The following EOMES variants were observed in gnomAD, a reference collection of about 807,000 sequenced individuals.
EOMES encodes the protein eomesodermin, also known as eomesodermin homolog.
Under a neutral mutation model 61.0 loss-of-function variants are expected in EOMES, and 18 were observed. The observed-to-expected ratio is 0.30, with a 90% CI of 0.20 to 0.44. The LOEUF (loss-of-function observed/expected upper bound fraction) is 0.44, where lower values mean the gene tolerates loss of function less well. Ranked by LOEUF, EOMES falls within the 20% of genes least tolerant of loss-of-function variation. The probability of loss-of-function intolerance (pLI) is 1.00; values close to 1 mark genes in which losing one functional copy is unlikely to be tolerated. For synonymous variants in EOMES, 430 were observed against 394.0 expected (o/e 1.09, Z -1.08); for missense variants, 885 against 939.2 (o/e 0.94, Z 0.75).
At position 27,721,898 on chromosome 3, in the gene EOMES, G is replaced by C. The variant is rs1443015218; in HGVS notation, c.397C>G (p.Arg133Gly). Reference sequence around the variant, plus strand: ...GAGCTCAGGCTGTCCATGGAGTAGCGCGCAGTGGCCGCAGCCGCGGCGGCG... The same window carrying C: ...GAGCTCAGGCTGTCCATGGAGTAGCCCGCAGTGGCCGCAGCCGCGGCGGCG... The part of the protein sequence containing the change: ...AAAAAAAATA[R>G]YSMDSLSSER... Residue 133 changes from arginine to glycine, a missense_variant, in exon 1 of 6, where the codon CGC becomes GGC. Around this residue, in one of 3 missense-constraint regions of EOMES, gnomAD observed 449 missense variants for 383.6 expected, o/e 1.17. Transcript: ENST00000449599. The surrounding 1 kb of genome is among the most constrained non-coding windows in gnomAD (Gnocchi z 7.4). The C allele has an allele frequency of 7.0e-7, 1 of 1,429,154 alleles. No homozygotes were observed. The highest frequency in any genetic ancestry group is 9.1e-7 in the Non-Finnish European group (1 of 1,099,582). The allele number at this position is 1,429,154 out of a possible 1,614,324, so 88.5% of individuals were successfully genotyped here. A position where few individuals can be genotyped will look rare whatever the true frequency, so the allele number is the denominator to read the frequency against.
intron 1 of EOMES, 103 bp from the exon 2 acceptor site, chr3:27,720,428 C>A: frequency 1.1e-6 from 1 of 878,770 alleles, no homozygotes; most frequent in Non-Finnish European, 1.9e-6. Context: ...AGGGTCGGAA[C>A]ACATTTAAAA....
At position 27,722,315 on chromosome 3, in the gene EOMES, C is replaced by T. The variant is rs769582990; in HGVS notation, c.-21G>A. On this transcript the variant is annotated 5_prime_UTR_variant, in exon 1 of 6. Coordinates refer to ENST00000449599, the MANE Select transcript of EOMES (RefSeq NM_001278182.2). ...TGCATGCTTTGCAAAGCGCAGACGG[C>T]AGCTGGCTGCTTCCTCTCCTCCGGT... The T allele has an allele frequency of 2.6e-5, 40 of 1,519,992 alleles. No homozygotes were observed. Among genetic ancestry groups the T allele is most frequent in the Non-Finnish European group, 3.2e-5 (37 of 1,141,140 alleles). The allele number at this position is 1,519,992 out of a possible 1,614,324, so 94.2% of individuals were successfully genotyped here.
intron 3 of EOMES, 48 bp downstream of exon 3, chr3:27,719,312 C>G (rs769428330): frequency 3.8e-6 from 6 of 1,592,002 alleles, no homozygotes; most frequent in Admixed American, 1.7e-5. Context: ...TAGAAAAAAG[C>G]CTTATAGTCA....
rs748237540 is a variant in EOMES, at chr3:27,717,476, G to T, written c.1712C>A (p.Ser571Tyr). ...SSTLLPYGIK[S>Y]LPLQTSHALG... is the part of the protein sequence containing the mutation. ...GGCATGGGATGTCTGAAGGGGCAAG[G>T]ATTTAATGCCATATGGGAGCAATGT... is the stretch of plus-strand genomic sequence containing the variant. Residue 571 changes from serine (S) to tyrosine (Y), a missense_variant, in exon 6 of 6, where the codon TCC becomes TAC. Ser to Tyr is a moderately radical substitution (Grantham distance 144). Transcript: ENST00000449599. The surrounding 1 kb of genome is among the most constrained non-coding windows in gnomAD (Gnocchi z 4.5). 2.5e-6 allele frequency: 4 copies of T among 1,614,166 alleles called. No homozygotes were observed. The highest frequency in any genetic ancestry group is 3.4e-6 in the Non-Finnish European group (4 of 1,179,996).
chr3:27,721,586 C>T lies in EOMES; in HGVS notation c.709G>A (p.Ala237Thr), dbSNP rs1458635817. 8 of 1,575,736 alleles carry T rather than the reference C, an allele frequency of 5.1e-6. No homozygotes were observed. In the African/African-American group the frequency reaches 9.4e-5, roughly 19 times the overall value. Reference protein sequence around the residue: ...GPGTYQYSQGAPLYGPYPGAA... With the variant: ...GPGTYQYSQGTPLYGPYPGAA... ...CCAGGGTACGGCCCGTAGAGCGGAG[C>T]CCCCTGGCTGTACTGATAGGTGCCC... is the stretch of plus-strand genomic sequence containing the variant. Residue 237 changes from alanine (A) to threonine (T), a missense_variant, in exon 1 of 6, where the codon GCT (alanine) becomes ACT (threonine). This residue lies in a region of EOMES where 449 missense variants were observed against 383.6 expected (regional missense o/e 1.17). Coordinates refer to ENST00000449599, the MANE Select transcript of EOMES (RefSeq NM_001278182.2). This position sits in a 1 kb window ranked among gnomAD's most constrained non-coding sequence, Gnocchi z 7.4.
chr3:27,721,603 T>C lies in EOMES; in HGVS notation c.692A>G (p.Tyr231Cys), dbSNP rs376621022. Reference sequence around the variant, plus strand: ...GAGCGGAGCCCCCTGGCTGTACTGATAGGTGCCCGGGCCGCCGCCCCCGCC... The same window carrying C: ...GAGCGGAGCCCCCTGGCTGTACTGACAGGTGCCCGGGCCGCCGCCCCCGCC... ...SSGGGGGPGT[Y>C]QYSQGAPLYG... The change falls in exon 1 of 6, where the codon TAT (tyrosine) becomes TGT (cysteine). Residue 231 changes from tyrosine (Y) to cysteine (C), a missense_variant. By Grantham distance (194) the Tyr-to-Cys change is radical (BLOSUM62 -2). This residue lies in a region of EOMES where 449 missense variants were observed against 383.6 expected (regional missense o/e 1.17). Transcript: ENST00000449599. The surrounding 1 kb of genome is among the most constrained non-coding windows in gnomAD (Gnocchi z 7.4). 1.1e-4 allele frequency: 176 copies of C among 1,553,366 alleles called. No homozygotes were observed. The African/African-American group carries it at 1.8e-3, about 16-fold the overall frequency.
chr3:27,721,751 C>A lies in EOMES; in HGVS notation c.544G>T (p.Gly182Trp), dbSNP rs1313397298. ...PHGPVYPAPNGARYPYGSMLP... is the reference protein window; with the variant it reads ...PHGPVYPAPNWARYPYGSMLP... ...ATGGAGCCGTAGGGGTAGCGCGCCC[C>A]GTTAGGAGCCGGGTACACAGGTCCG... is the stretch of plus-strand genomic sequence containing the variant. The change falls in exon 1 of 6, where the codon GGG becomes TGG. Residue 182 changes from glycine (G) to tryptophan (W), a missense_variant. By Grantham distance (184) the Gly-to-Trp change is radical. Around this residue, in one of 3 missense-constraint regions of EOMES, gnomAD observed 449 missense variants for 383.6 expected, o/e 1.17. Coordinates refer to ENST00000449599, the MANE Select transcript of EOMES (RefSeq NM_001278182.2). This position sits in a 1 kb window ranked among gnomAD's most constrained non-coding sequence, Gnocchi z 7.4. 2.0e-6 allele frequency: 3 copies of A among 1,488,486 alleles called. No individual in the cohort carries two copies. The highest frequency in any genetic ancestry group is 1.8e-6 in the Non-Finnish European group (2 of 1,130,892). 92.2% of individuals were successfully genotyped at this position (1,488,486 alleles called of 1,614,324 possible).
chr3:27,722,144 C>G lies in EOMES; in HGVS notation c.151G>C (p.Ala51Pro). 1 of 1,566,194 alleles carries G rather than the reference C, an allele frequency of 6.4e-7. No individual in the cohort carries two copies. The highest frequency in any genetic ancestry group is 8.7e-7 in the Non-Finnish European group (1 of 1,156,004). Residue 51 changes from alanine (A) to proline (P), a missense_variant, in exon 1 of 6, where the codon GCG (alanine) becomes CCG (proline). Physicochemically the swap from Ala to Pro is conservative, Grantham distance 27. Coordinates refer to ENST00000449599, the MANE Select transcript of EOMES (RefSeq NM_001278182.2). Reference protein sequence around the residue: ...PSPQKLDLDKASKKFSGSLSC... With the variant: ...PSPQKLDLDKPSKKFSGSLSC... ...AGACTGCCGGAAAACTTCTTGGACGCTTTGTCTAAGTCCAACTTCTGAGGA... is the reference window on the plus strand; with the variant it reads ...AGACTGCCGGAAAACTTCTTGGACGGTTTGTCTAAGTCCAACTTCTGAGGA...
upstream of EOMES, chr3:27,722,638 C>T (rs1022258692): frequency 1.5e-5 from 16 of 1,081,496 alleles, no homozygotes; most frequent in Admixed American, 3.7e-4. Context: ...ATCTTTGTCC[C>T]CATCCACCCA....
At chr3:27,720,007 C>A (rs2060598804) in intron 2 of EOMES, among the ~76,000 whole-genome samples, 164 bp downstream of exon 2, 2 of 152,082 alleles carry the variant, frequency 1.3e-5, no homozygotes, top group Admixed American at 6.6e-5. Flanking sequence ...GCAAACTCTC[C>A]TCTCCGTCAA....
Position 27,721,461 on chromosome 3 carries a change from G to C in EOMES, c.834C>G (p.Leu278=). The stretch of plus-strand genomic sequence containing the variant: ...TCTCAGTTTGGTGGCGGTGGAATTT[G>C]AGCCACAGAGGCCGGTTGCACAGGT... ...HVYLCNRPLW[L]KFHRHQTEMI... is the part of the protein sequence containing the mutation. The change falls in exon 1 of 6, where the codon CTC becomes CTG. Residue 278 remains leucine (L), a synonymous_variant. Coordinates refer to ENST00000449599, the MANE Select transcript of EOMES (RefSeq NM_001278182.2). This position sits in a 1 kb window ranked among gnomAD's most constrained non-coding sequence, Gnocchi z 7.4. The C allele has an allele frequency of 6.2e-7, 1 of 1,613,624 alleles. No individual in the cohort carries two copies. Among genetic ancestry groups the C allele is most frequent in the Non-Finnish European group, 8.5e-7 (1 of 1,179,904 alleles).
rs1486119664 is a variant in EOMES at position 27,721,967 on chromosome 3, C to T, written c.328G>A (p.Gly110Arg). The stretch of plus-strand genomic sequence containing the variant: ...GCGGCGGAGGGCAGCTCCTCCTCCC[C>T]GCAGGGGGAGCCCTTGCGGCCGTCC... ...PPDGRKGSPC[G>R]EEELPSAAAA... Residue 110 changes from glycine to arginine, a missense_variant, in exon 1 of 6, where the codon GGG (glycine) becomes AGG (arginine). Around this residue, in one of 3 missense-constraint regions of EOMES, gnomAD observed 449 missense variants for 383.6 expected, o/e 1.17. Transcript: ENST00000449599. The surrounding 1 kb of genome is among the most constrained non-coding windows in gnomAD (Gnocchi z 7.4). The T allele has an allele frequency of 1.4e-6, 2 of 1,437,370 alleles. No homozygotes were observed. The highest frequency in any genetic ancestry group is 3.0e-5 in the East Asian group (1 of 32,920). The allele number at this position is 1,437,370 out of a possible 1,614,324, so 89.0% of individuals were successfully genotyped here. A position where few individuals can be genotyped will look rare whatever the true frequency, so the allele number is the denominator to read the frequency against.
chr3:27,722,478 A>G (rs1402844795), upstream of EOMES: 7 of 1,351,054 alleles, frequency 5.2e-6, no homozygotes, highest in Non-Finnish European at 6.6e-6. Flanking sequence ...CCCTGAATCC[A>G]GCGTCCTTTC....
At position 27,717,347 on chromosome 3, in the gene EOMES, G is replaced by C. The variant is rs780523872; in HGVS notation, c.1841C>G (p.Thr614Arg). 1.2e-6 allele frequency: 2 copies of C among 1,614,106 alleles called. No individual in the cohort carries two copies. The highest frequency in any genetic ancestry group is 1.3e-5 in the African/African-American group (1 of 74,938). The change falls in exon 6 of 6, where the codon ACA (threonine) becomes AGA (arginine). Residue 614 changes from threonine to arginine, a missense_variant. This residue lies in a region of EOMES where 259 missense variants were observed against 282.3 expected (regional missense o/e 0.92). Transcript: ENST00000449599. This position sits in a 1 kb window ranked among gnomAD's most constrained non-coding sequence, Gnocchi z 4.5. ...MAAGLPWTSR[T>R]SPTVFSEDQL... Reference sequence around the variant, plus strand: ...ATCTTCAGAGAACACAGTGGGGCTTGTTCTGGAGGTCCATGGTAGTCCAGC... The same window carrying C: ...ATCTTCAGAGAACACAGTGGGGCTTCTTCTGGAGGTCCATGGTAGTCCAGC...
At chr3:27,718,084 G>A (rs371302565) in intron 5 of EOMES, among the ~76,000 whole-genome samples, 4 of 152,070 alleles carry the variant, frequency 2.6e-5, no homozygotes, top group East Asian at 1.9e-4. Flanking sequence ...CCTAGAACAC[G>A]AAAAACTCAG....
Position 27,721,922 on chromosome 3 carries a change from C to G in EOMES, c.373G>C (p.Ala125Pro), listed in dbSNP as rs1035312799. ...PSAAAAAAAAAAAAAATARYS... is the reference protein window; with the variant it reads ...PSAAAAAAAAPAAAAATARYS... The stretch of plus-strand genomic sequence containing the variant: ...CGCGCAGTGGCCGCAGCCGCGGCGG[C>G]GGCGGCGGCGGCGGCTGCAGCGGCG... The change falls in exon 1 of 6, where the codon GCC (alanine) becomes CCC (proline). Residue 125 changes from alanine to proline, a missense_variant. Ala to Pro is a conservative substitution (Grantham distance 27). This residue lies in a region of EOMES where 449 missense variants were observed against 383.6 expected (regional missense o/e 1.17). Transcript: ENST00000449599. This position sits in a 1 kb window ranked among gnomAD's most constrained non-coding sequence, Gnocchi z 7.4. The G allele has an allele frequency of 4.4e-6, 6 of 1,357,588 alleles. No homozygotes were observed. In the African/African-American group the frequency reaches 9.8e-5, roughly 22 times the overall value. The allele number at this position is 1,357,588 out of a possible 1,614,324, so 84.1% of individuals were successfully genotyped here.
intron 3 of EOMES, 96 bp from the exon 4 acceptor site, chr3:27,718,989 C>A: frequency 1.2e-6 from 1 of 866,782 alleles, no homozygotes; most frequent in South Asian, 1.8e-5. Context: ...TGGTATTGGA[C>A]TTCTAAATGC....
rs1003946566 is a variant in EOMES at position 27,718,278 on chromosome 3, G to A, written c.1379+309C>T. Among the ~76,000 whole-genome samples the A allele has an allele frequency of 2.6e-5, 4 of 151,664 alleles. No homozygotes were observed. The East Asian group carries it at 7.7e-4, about 29-fold the overall frequency. On this transcript the variant is annotated intron_variant, in intron 5 of 5. Coordinates refer to ENST00000449599, the MANE Select transcript of EOMES (RefSeq NM_001278182.2). ...AGAGTAATAATATCTGCTCTTGGGA[G>A]GATAAAAAAATGGATCAAATGAAAA...
Position 27,720,164 on chromosome 3 carries a change from T to C in EOMES, c.1036+7A>G. On this transcript the variant is annotated splice_region_variant and intron_variant, in intron 2 of 5. Transcript: ENST00000449599. ...TCCTCCCCGGCCCGAGCCTCTTCTC[T>C]GCTCACCCTGCATGTTATTGTCGGC... 3 of 1,566,602 alleles carry C rather than the reference T, an allele frequency of 1.9e-6. No individual in the cohort carries two copies. The highest frequency in any genetic ancestry group is 2.6e-6 in the Non-Finnish European group (3 of 1,158,684).
Sources: allele counts gnomAD v4.1 joint callset (sites outside exome capture counted in the v4.1 genomes callset), GRCh38; gene constraint gnomAD v4.1.1; regional missense constraint gnomAD v4.1.1; non-coding constraint Gnocchi (gnomAD v3.1); transcripts MANE v1.5; gene names NCBI Gene and HGNC (gene_info 2026-07-23, HGNC 2026-07-21).